PLXDC2: variants seen among roughly 807,000 people sequenced by gnomAD.
The protein encoded by PLXDC2 is plexin domain containing 2.
PLXDC2 carries 40 observed loss-of-function variants against 68.9 expected under a neutral mutation model. That is an observed-to-expected ratio of 0.58 (90% CI 0.45 to 0.76). The LOEUF (loss-of-function observed/expected upper bound fraction) is 0.76, where lower values mean the gene tolerates loss of function less well. Among genes scored for constraint, PLXDC2 ranks in the 30% least tolerant of loss-of-function variants. The pLI, the probability that PLXDC2 is intolerant of heterozygous loss-of-function variation, is 0.00. For missense variants in PLXDC2, 644 were observed against 661.9 expected, an observed-to-expected ratio of 0.97 and a Z score of 0.30; for synonymous variants, 243 against 234.2, an observed-to-expected ratio of 1.04 and a Z score of -0.34.
chr10:19,862,179 G>A (rs971818432), intron 1 of PLXDC2, among the ~76,000 whole-genome samples: 7 of 151,972 alleles, frequency 4.6e-5, no homozygotes, highest in Non-Finnish European at 7.4e-5. Context: ...TGCATAACCC[G>A]CCAAAATTAT....
chr10:19,914,943 C>G (rs1203546280), intron 1 of PLXDC2, among the ~76,000 whole-genome samples: 1 of 152,164 alleles, frequency 6.6e-6, no homozygotes, highest in Non-Finnish European at 1.5e-5. Context: ...AATGTAGCCT[C>G]TCTAGATTTC....
At chr10:19,990,842 A>G (rs1440198523) in intron 1 of PLXDC2, among the ~76,000 whole-genome samples, 4 of 152,250 alleles carry the variant, frequency 2.6e-5, no homozygotes, top group Non-Finnish European at 5.9e-5. Context: ...TGGGAACTTT[A>G]TTTTAAAACT....
At chr10:20,228,439 G>A (rs900868987) in intron 12 of PLXDC2, among the ~76,000 whole-genome samples, 1 of 152,008 alleles carries the variant, frequency 6.6e-6, no homozygotes, top group African/African-American at 2.4e-5. Flanking sequence ...GCACACACCT[G>A]TAGTCCTAAC....
At chr10:19,873,659 G>A (rs926060692) in intron 1 of PLXDC2, among the ~76,000 whole-genome samples, 11 of 152,048 alleles carry the variant, frequency 7.2e-5, no homozygotes, top group Non-Finnish European at 1.2e-4. Flanking sequence ...TGTAGTTTTA[G>A]CAAATCTGGA....
At position 20,261,626 on chromosome 10, in the gene PLXDC2, G is replaced by A. The variant is rs144415303; in HGVS notation, c.1473+16121G>A. Among the ~76,000 whole-genome samples, 288 of 152,124 alleles carry A rather than the reference G, an allele frequency of 1.9e-3. 1 individual carries two copies. The highest frequency in any genetic ancestry group is 3.4e-3 in the Middle Eastern group (1 of 294). On this transcript the variant is annotated intron_variant, in intron 13 of 13. Coordinates refer to ENST00000377252, the MANE Select transcript of PLXDC2 (RefSeq NM_032812.9). ...TCCCTGCAGTTTGGGAGGCTGAGGCGGACGGATCACCTGAGGCTGGGAGTT... is the reference window on the plus strand; with the variant it reads ...TCCCTGCAGTTTGGGAGGCTGAGGCAGACGGATCACCTGAGGCTGGGAGTT...
intron 13 of PLXDC2, among the ~76,000 whole-genome samples, chr10:20,258,582 G>GT (rs1033684699): frequency 6.6e-6 from 1 of 152,006 alleles, no homozygotes; most frequent in African/African-American, 2.4e-5. Flanking sequence ...TGGACAAAGT[G>GT]TTTTTTTCTT....
chr10:19,931,161 C>T (rs1271943659), intron 1 of PLXDC2, among the ~76,000 whole-genome samples: 1 of 152,222 alleles, frequency 6.6e-6, no homozygotes, highest in Admixed American at 6.5e-5. Flanking sequence ...AGTACAAATG[C>T]ATGGCAGGAA....
At chr10:19,843,255 C>G (rs1176567487) in intron 1 of PLXDC2, among the ~76,000 whole-genome samples, 1 of 143,694 alleles carries the variant, frequency 7.0e-6, no homozygotes, top group Non-Finnish European at 1.5e-5. Context: ...AAGATAAATG[C>G]AATGGAATAC....
chr10:20,186,103 G>T (rs1167821454), intron 9 of PLXDC2, among the ~76,000 whole-genome samples: 3 of 151,838 alleles, frequency 2.0e-5, no homozygotes, highest in Non-Finnish European at 1.5e-5. Context: ...TTAAAAATAC[G>T]AATCTACTTC....
rs1564644146 is a variant in PLXDC2, at chr10:19,973,314, A to ATATATATGTG, written c.113-28452_113-28451insGTATATATGT. Among the ~76,000 whole-genome samples the ATATATATGTG allele has an allele frequency of 2.3e-3, 320 of 136,932 alleles. 1 individual carries two copies. The highest frequency in any genetic ancestry group is 4.2e-3 in the Non-Finnish European group (267 of 63,736). 89.8% of individuals were successfully genotyped at this position (136,932 alleles called of 152,430 possible). A position where few individuals can be genotyped will look rare whatever the true frequency, so the allele number is the denominator to read the frequency against. ...TATATATGTATATATATATACTCAC[A>ATATATATGTG]TATATATGTATACATATATATGTGT... On this transcript the variant is annotated intron_variant, in intron 1 of 13. Transcript: ENST00000377252.
intron 1 of PLXDC2, among the ~76,000 whole-genome samples, chr10:19,965,523 G>A (rs977960519): frequency 6.6e-6 from 1 of 151,976 alleles, no homozygotes; most frequent in Non-Finnish European, 1.5e-5. Context: ...GGATTCCTGG[G>A]TACCAACAAT....
chr10:19,881,247 C>A (rs1301626742), intron 1 of PLXDC2, among the ~76,000 whole-genome samples: 1 of 152,104 alleles, frequency 6.6e-6, no homozygotes, highest in Non-Finnish European at 1.5e-5. Context: ...TCCTGAGTAG[C>A]TGGGATTACA....
At position 19,884,046 on chromosome 10, in the gene PLXDC2, C is replaced by A. The variant is rs146903545; in HGVS notation, c.112+66855C>A. On this transcript the variant is annotated intron_variant, in intron 1 of 13. Coordinates refer to ENST00000377252, the MANE Select transcript of PLXDC2 (RefSeq NM_032812.9). Reference sequence around the variant, plus strand: ...AGCCAGGGCTACAGGTGTGCACCACCACACCTGGCTAATTTTTGTATTTTT... The same window carrying A: ...AGCCAGGGCTACAGGTGTGCACCACAACACCTGGCTAATTTTTGTATTTTT... 6.4e-3 allele frequency among the ~76,000 whole-genome samples: 957 copies of A among 150,372 alleles called. 9 individuals carry two copies. Among genetic ancestry groups the A allele is most frequent in the African/African-American group, 0.021 (839 of 40,884 alleles).
intron 4 of PLXDC2, among the ~76,000 whole-genome samples, chr10:20,141,706 A>T (rs2131789077): frequency 6.6e-6 from 1 of 152,200 alleles, no homozygotes. Flanking sequence ...TTAAGGATGT[A>T]ATATTGCACT....
At chr10:20,192,734 G>GA (rs1834783544) in intron 9 of PLXDC2, among the ~76,000 whole-genome samples, 2 of 152,002 alleles carry the variant, frequency 1.3e-5, no homozygotes, top group Non-Finnish European at 2.9e-5. Flanking sequence ...TAACATTTTA[G>GA]AAAAAATGGG....
intron 3 of PLXDC2, among the ~76,000 whole-genome samples, chr10:20,066,169 T>C (rs1564302338): frequency 1.3e-5 from 2 of 152,226 alleles, no homozygotes; most frequent in African/African-American, 2.4e-5. Flanking sequence ...GTCATTTCAA[T>C]AGGGGAGCAT....
At position 19,979,564 on chromosome 10, in the gene PLXDC2, GTT is replaced by G. The variant is rs201455832; in HGVS notation, c.113-22208_113-22207del. 6.7e-3 allele frequency among the ~76,000 whole-genome samples: 1,014 copies of G among 152,142 alleles called. 11 individuals are homozygous for G. The highest frequency in any genetic ancestry group is 0.023 in the African/African-American group (963 of 41,494). On this transcript the variant is annotated intron_variant, in intron 1 of 13. Transcript: ENST00000377252. ...ATTTTGTATTTTTAGCCAAGGTGGG[GTT>G]TTGCCATTTTGGCCAGGCTGGTCTT...
intron 4 of PLXDC2, among the ~76,000 whole-genome samples, chr10:20,069,262 A>C (rs1836275512): frequency 6.6e-6 from 1 of 152,178 alleles, no homozygotes; most frequent in African/African-American, 2.4e-5. Context: ...TTTGAGCACC[A>C]ACTCTGAGTG....
chr10:19,889,475 G>A (rs1837910216), intron 1 of PLXDC2, among the ~76,000 whole-genome samples: 1 of 152,098 alleles, frequency 6.6e-6, no homozygotes, highest in African/African-American at 2.4e-5. Context: ...TAGTGTCCTA[G>A]TGCCCTCAAA....
Sources: allele counts gnomAD v4.1 joint callset (sites outside exome capture counted in the v4.1 genomes callset), GRCh38; gene constraint gnomAD v4.1.1; transcripts MANE v1.5; gene names NCBI Gene and HGNC (gene_info 2026-07-23, HGNC 2026-07-21).